The following EPHA3 variants were observed in gnomAD, a reference collection of about 807,000 sequenced individuals.
EPHA3 encodes the protein EPH receptor A3.
A neutral mutation model predicts 107.1 loss-of-function variants in EPHA3; 42 were observed. That is an observed-to-expected ratio of 0.39 (90% CI 0.31 to 0.51). The LOEUF is 0.51. Ranked by LOEUF, EPHA3 falls within the 20% of genes least tolerant of loss-of-function variation. The pLI is 0.78. For synonymous variants in EPHA3, 461 were observed against 424.8 expected (o/e 1.09, Z -1.05); for missense variants, 1,183 against 1,211.2 (o/e 0.98, Z 0.35).
intron 12 of EPHA3, among the ~76,000 whole-genome samples, 161 bp downstream of exon 12, chr3:89,429,328 T>A (rs1347076147): frequency 6.6e-6 from 1 of 152,138 alleles, no homozygotes; most frequent in Non-Finnish European, 1.5e-5. Flanking sequence ...ATTGCATCTT[T>A]TTTTGCAGCA....
rs1559669050 is a variant in EPHA3, at chr3:89,371,171, TG to T, written c.1307-24665del. ...TTAGTTATTCATATATTTGTTTGTT[TG>T]TTTTCATTCCAGTGATTATTTTTAT... is the stretch of plus-strand genomic sequence containing the variant. On this transcript the variant is annotated intron_variant, in intron 5 of 16. Transcript: ENST00000336596. 4.5e-3 allele frequency among the ~76,000 whole-genome samples: 680 copies of T among 151,896 alleles called. 3 individuals carry two copies. The highest frequency in any genetic ancestry group is 0.016 in the African/African-American group (644 of 41,518).
chr3:89,141,952 G>A (rs1704439968), intron 2 of EPHA3, among the ~76,000 whole-genome samples: 1 of 151,272 alleles, frequency 6.6e-6, no homozygotes, highest in African/African-American at 2.4e-5. Context: ...CCAGGCAGTT[G>A]AAGAAATTTA....
intron 1 of EPHA3, among the ~76,000 whole-genome samples, chr3:89,126,719 A>G (rs1280299969): frequency 1.3e-5 from 2 of 151,716 alleles, no homozygotes; most frequent in African/African-American, 2.4e-5. Context: ...TTGCAGAATA[A>G]TATGTTGAGT....
intron 3 of EPHA3, among the ~76,000 whole-genome samples, chr3:89,256,524 A>G (rs1705289673): frequency 6.6e-6 from 1 of 152,054 alleles, no homozygotes; most frequent in Non-Finnish European, 1.5e-5. Flanking sequence ...AGATCGTGCC[A>G]TTGCACTCCA....
intron 10 of EPHA3, among the ~76,000 whole-genome samples, chr3:89,414,270 G>C (rs1394116833): frequency 2.6e-5 from 4 of 151,744 alleles, no homozygotes; most frequent in Non-Finnish European, 4.4e-5. Flanking sequence ...TAAATATAAT[G>C]TTAATTTACT....
In EPHA3 at chr3:89,163,973, G is replaced by A. The variant is rs183817759; in HGVS notation, c.153+36700G>A. On this transcript the variant is annotated intron_variant, in intron 2 of 16. Coordinates refer to ENST00000336596, the MANE Select transcript of EPHA3 (RefSeq NM_005233.6). ...GTGCCTAGTTTTTTTGTATAGAGAA[G>A]TCAATAGTTAGGAGCAACAAACCAG... Among the ~76,000 whole-genome samples, 9 of 152,296 alleles carry A rather than the reference G, an allele frequency of 5.9e-5. No homozygotes were observed. In the South Asian group the frequency reaches 1.5e-3, roughly 25 times the overall value.
At chr3:89,270,384 A>G (rs1382786176) in intron 3 of EPHA3, among the ~76,000 whole-genome samples, 1 of 151,762 alleles carries the variant, frequency 6.6e-6, no homozygotes, top group East Asian at 1.9e-4. Context: ...CGCACTGTCT[A>G]CTCATTTGTG....
Position 89,280,257 on chromosome 3 carries a change from G to A in EPHA3, c.815-60659G>A, listed in dbSNP as rs145824975. Among the ~76,000 whole-genome samples, 202 of 152,272 alleles carry A rather than the reference G, an allele frequency of 1.3e-3. 1 individual carries two copies. Among genetic ancestry groups the A allele is most frequent in the African/African-American group, 4.5e-3 (185 of 41,546 alleles). On this transcript the variant is annotated intron_variant, in intron 3 of 16. Coordinates refer to ENST00000336596, the MANE Select transcript of EPHA3 (RefSeq NM_005233.6). ...GAAAATACTGATATTTTGAGTGGAA[G>A]TTGGATGGACTTTTCAATAGGATTC...
intron 5 of EPHA3, among the ~76,000 whole-genome samples, chr3:89,372,012 A>T (rs1269915664): frequency 6.6e-6 from 1 of 151,632 alleles, no homozygotes; most frequent in Non-Finnish European, 1.5e-5. Context: ...AATTAAAAAA[A>T]AAAATAAAAC....
chr3:89,407,862 T>A (rs1709084489), intron 8 of EPHA3, among the ~76,000 whole-genome samples: 1 of 152,118 alleles, frequency 6.6e-6, no homozygotes, highest in African/African-American at 2.4e-5. Context: ...ACTCTGTGTA[T>A]CTCCTCATTA....
At chr3:89,244,690 G>C (rs149299852) in intron 3 of EPHA3, among the ~76,000 whole-genome samples, 2 of 152,110 alleles carry the variant, frequency 1.3e-5, no homozygotes, top group African/African-American at 2.4e-5. Context: ...TATTATTTCA[G>C]CCACTGTGGT....
chr3:89,138,587 C>G (rs529279441), intron 2 of EPHA3, among the ~76,000 whole-genome samples: 1 of 151,792 alleles, frequency 6.6e-6, no homozygotes, highest in South Asian at 2.1e-4. Flanking sequence ...CCCTAAAATG[C>G]TCACATCAAT....
intron 5 of EPHA3, among the ~76,000 whole-genome samples, chr3:89,382,835 T>G (rs1708539257): frequency 6.6e-6 from 1 of 152,168 alleles, no homozygotes; most frequent in Non-Finnish European, 1.5e-5. Flanking sequence ...AGTTTGCACA[T>G]GAAGGCATGT....
intron 7 of EPHA3, chr3:89,400,136 T>C: frequency 1.2e-6 from 1 of 806,936 alleles, no homozygotes; most frequent in Non-Finnish European, 1.5e-6. Flanking sequence ...TCTATGGCAC[T>C]AATATAAAAT....
intron 15 of EPHA3, among the ~76,000 whole-genome samples, chr3:89,470,077 TAA>T (rs1174151298): frequency 1.7e-4 from 26 of 150,986 alleles, no homozygotes; most frequent in African/African-American, 6.1e-4. Flanking sequence ...AAATTATATA[TAA>T]AGTTTTAACA....
intron 3 of EPHA3, among the ~76,000 whole-genome samples, chr3:89,333,074 A>G (rs1707323118): frequency 6.6e-6 from 1 of 152,146 alleles, no homozygotes; most frequent in African/African-American, 2.4e-5. Context: ...CATAGTTCAA[A>G]GTCATCAATT....
chr3:89,375,497 G>A (rs1440186727), intron 5 of EPHA3, among the ~76,000 whole-genome samples: 3 of 151,600 alleles, frequency 2.0e-5, no homozygotes, highest in South Asian at 2.1e-4. Flanking sequence ...GTGGGAGCCC[G>A]TTTGGAATAC....
chr3:89,394,949 T>A (rs1044495846), intron 5 of EPHA3, among the ~76,000 whole-genome samples: 1 of 152,204 alleles, frequency 6.6e-6, no homozygotes, highest in African/African-American at 2.4e-5. Flanking sequence ...GCAGAAGTAC[T>A]TTGATGATAG....
At chr3:89,415,337 TA>T (rs961692843) in intron 10 of EPHA3, among the ~76,000 whole-genome samples, 30 of 149,962 alleles carry the variant, frequency 2.0e-4, no homozygotes, top group East Asian at 7.8e-4. Context: ...TTCTTAATCT[TA>T]AAAAAAATAT....
Sources: allele counts gnomAD v4.1 joint callset (sites outside exome capture counted in the v4.1 genomes callset), GRCh38; gene constraint gnomAD v4.1.1; transcripts MANE v1.5; gene names NCBI Gene and HGNC (gene_info 2026-07-23, HGNC 2026-07-21).